Variants in MSI2 observed in about 807,000 individuals in gnomAD.
MSI2 encodes the protein RNA-binding protein Musashi homolog 2.
In MSI2, 17 loss-of-function variants were observed where a neutral mutation model predicts 45.6. The ratio of observed to expected loss-of-function variants is 0.37; its 90% CI spans 0.26 to 0.56. The LOEUF is 0.56. MSI2 is among the 20% of genes least tolerant of loss of function. MSI2 has a pLI of 0.77. For missense variants in MSI2, 293 were observed against 444.2 expected, an observed-to-expected ratio of 0.66 and a Z score of 3.06; for synonymous variants, 156 against 158.2, an observed-to-expected ratio of 0.99 and a Z score of 0.11.
chr17:57,337,656 G>A (rs1332134139), intron 5 of MSI2, among the ~76,000 whole-genome samples: 2 of 152,138 alleles, frequency 1.3e-5, no homozygotes, highest in Non-Finnish European at 2.9e-5. Context: ...ACGGTGACTC[G>A]GGCTGGGGGC....
chr17:57,545,461 A>G (rs1315939090), intron 7 of MSI2, among the ~76,000 whole-genome samples: 2 of 152,292 alleles, frequency 1.3e-5, no homozygotes, highest in East Asian at 1.9e-4. Flanking sequence ...GTTCTGTTCC[A>G]GACACATCAG....
At chr17:57,672,321 T>C (rs1912854266) in intron 11 of MSI2, among the ~76,000 whole-genome samples, 1 of 152,202 alleles carries the variant, frequency 6.6e-6, no homozygotes, top group Non-Finnish European at 1.5e-5. Flanking sequence ...TGAAATTCCC[T>C]TCAGGCCGAC....
At chr17:57,476,724 T>C (rs1178814202) in intron 6 of MSI2, among the ~76,000 whole-genome samples, 1 of 152,218 alleles carries the variant, frequency 6.6e-6, no homozygotes. Context: ...ATATATTACC[T>C]CATTTAACCC....
chr17:57,432,092 C>T (rs2084606675), intron 6 of MSI2, among the ~76,000 whole-genome samples: 1 of 152,078 alleles, frequency 6.6e-6, no homozygotes, highest in Non-Finnish European at 1.5e-5. Context: ...ACTTCATAAC[C>T]CTTCCATTAA....
chr17:57,450,282 A>AGAAG (rs1555607263), intron 6 of MSI2: 8 of 47,656 alleles, frequency 1.7e-4, no homozygotes, highest in Non-Finnish European at 5.1e-4. Flanking sequence ...AAAGAAAGAA[A>AGAAG]GAAAGAAAGA....
chr17:57,660,289 G>C (rs963310805), intron 11 of MSI2, among the ~76,000 whole-genome samples: 15 of 152,334 alleles, frequency 9.8e-5, no homozygotes, highest in Admixed American at 5.2e-4. Context: ...GAAGAGTCCA[G>C]AGCTTTGTGC....
chr17:57,334,136 C>A (rs1442162913), intron 5 of MSI2, among the ~76,000 whole-genome samples: 1 of 152,170 alleles, frequency 6.6e-6, no homozygotes, highest in African/African-American at 2.4e-5. Flanking sequence ...AGACTGAAGC[C>A]TCTGCTTGGC....
At chr17:57,314,930 A>G (rs1026587967) in intron 5 of MSI2, among the ~76,000 whole-genome samples, 1 of 152,176 alleles carries the variant, frequency 6.6e-6, no homozygotes, top group African/African-American at 2.4e-5. Context: ...TTTGAGAAAC[A>G]TGAGTCCAGA....
intron 7 of MSI2, among the ~76,000 whole-genome samples, chr17:57,532,647 A>G (rs1442124293): frequency 6.6e-6 from 1 of 152,232 alleles, no homozygotes. Context: ...TGATAAGCAC[A>G]AGGAAGTAAA....
chr17:57,286,447 TC>T (rs1314012121), intron 5 of MSI2, among the ~76,000 whole-genome samples: 3 of 152,216 alleles, frequency 2.0e-5, no homozygotes, highest in Non-Finnish European at 4.4e-5. Context: ...TTGCTCATCA[TC>T]GAGTCCTGGC....
intron 5 of MSI2, among the ~76,000 whole-genome samples, chr17:57,390,916 C>T (rs2083778633): frequency 6.6e-6 from 1 of 152,146 alleles, no homozygotes; most frequent in South Asian, 2.1e-4. Context: ...TGATGTTTCC[C>T]AAATGTCATA....
intron 5 of MSI2, among the ~76,000 whole-genome samples, chr17:57,269,488 G>A (rs1273280856): frequency 6.6e-6 from 1 of 152,200 alleles, no homozygotes; most frequent in Non-Finnish European, 1.5e-5. Flanking sequence ...TCTGGCCAGA[G>A]TCTCTCTTGC....
intron 5 of MSI2, among the ~76,000 whole-genome samples, chr17:57,345,041 C>A (rs1271905894): frequency 1.3e-5 from 2 of 151,846 alleles, no homozygotes; most frequent in Non-Finnish European, 1.5e-5. Flanking sequence ...CCAGCCTGGG[C>A]GACAGGGCGA....
chr17:57,605,639 A>G (rs1906486897), intron 8 of MSI2, among the ~76,000 whole-genome samples: 1 of 152,224 alleles, frequency 6.6e-6, no homozygotes, highest in Non-Finnish European at 1.5e-5. Flanking sequence ...GCCCGTATGC[A>G]GCTGCAGAGA....
chr17:57,313,497 C>A (rs1234493940), intron 5 of MSI2, among the ~76,000 whole-genome samples: 1 of 151,848 alleles, frequency 6.6e-6, no homozygotes, highest in Non-Finnish European at 1.5e-5. Context: ...GGGCTGGGGG[C>A]AGCATTTCTA....
intron 5 of MSI2, among the ~76,000 whole-genome samples, chr17:57,272,203 G>A (rs984234667): frequency 1.2e-4 from 18 of 152,326 alleles, no homozygotes; most frequent in African/African-American, 4.3e-4. Context: ...AACAAACCCT[G>A]TTTGGTTTAC....
chr17:57,649,911 C>T (rs1055841689), intron 10 of MSI2, among the ~76,000 whole-genome samples: 1 of 152,242 alleles, frequency 6.6e-6, no homozygotes. Flanking sequence ...AGTGGGGTGG[C>T]GACTATGGAG....
chr17:57,497,776 T>C (rs2086010804), intron 6 of MSI2, among the ~76,000 whole-genome samples: 1 of 152,228 alleles, frequency 6.6e-6, no homozygotes, highest in African/African-American at 2.4e-5. Flanking sequence ...GTGTGACTGA[T>C]GCACACGCAG....
At chr17:57,402,717 A>C (rs894624) in intron 6 of MSI2, among the ~76,000 whole-genome samples, 140,537 of 152,206 alleles carry the variant, frequency 0.92, 65,925 homozygotes, top group East Asian at 1. Context: ...CCTGGATAGG[A>C]GACCGTGCAA....
Sources: allele counts gnomAD v4.1 joint callset (sites outside exome capture counted in the v4.1 genomes callset), GRCh38; gene constraint gnomAD v4.1.1; transcripts MANE v1.5; gene names NCBI Gene and HGNC (gene_info 2026-07-23, HGNC 2026-07-21).